The following PROM1 variants were observed in gnomAD, a reference collection of about 807,000 sequenced individuals.
The protein encoded by PROM1 is prominin 1, also known as prominin-1.
Under a neutral mutation model 116.9 loss-of-function variants are expected in PROM1, and 105 were observed. That is an observed-to-expected ratio of 0.90 (90% confidence interval 0.77 to 1.06). The LOEUF is 1.06. Ranked by LOEUF, PROM1 falls within the 50% of genes least tolerant of loss-of-function variation. PROM1 has a pLI of 0.00. For synonymous variants in PROM1, 393 were observed against 387.0 expected, an observed-to-expected ratio of 1.02 and a Z score of -0.18; for missense variants, 1,122 against 1,045.2, an observed-to-expected ratio of 1.07 and a Z score of -1.01.
intron 2 of PROM1, 36 bp from the exon 3 acceptor site, chr4:16,039,037 T>C: frequency 7.0e-7 from 1 of 1,430,408 alleles, no homozygotes; most frequent in Non-Finnish European, 9.2e-7. Flanking sequence ...ATATTATTTT[T>C]TCAGTAAAAT....
intron 19 of PROM1, 121 bp downstream of exon 19, chr4:15,989,611 G>C: frequency 2.4e-6 from 2 of 839,240 alleles, no homozygotes; most frequent in Non-Finnish European, 4.0e-6. Flanking sequence ...TTCTGGGGCT[G>C]AAGCCAGTCA....
intron 19 of PROM1, among the ~76,000 whole-genome samples, chr4:15,989,113 G>C (rs1720267966): frequency 6.6e-6 from 1 of 152,174 alleles, no homozygotes; most frequent in Admixed American, 6.5e-5. Context: ...GAGCAAGGCA[G>C]TTATTGATCC....
chr4:16,070,367 T>G (rs1742532866), intron 2 of PROM1, among the ~76,000 whole-genome samples: 1 of 152,176 alleles, frequency 6.6e-6, no homozygotes, highest in South Asian at 2.1e-4. Context: ...TACTTGTTTT[T>G]TAGTGGAGTT....
At chr4:16,010,871 AAC>A (rs1726723780) in intron 11 of PROM1, among the ~76,000 whole-genome samples, 1 of 152,204 alleles carries the variant, frequency 6.6e-6, no homozygotes, top group Non-Finnish European at 1.5e-5. Context: ...AGAAGCGAGC[AAC>A]AGAGTGTCAG....
intron 2 of PROM1, among the ~76,000 whole-genome samples, chr4:16,046,040 G>A (rs776850438): frequency 6.6e-6 from 1 of 152,216 alleles, no homozygotes; most frequent in Non-Finnish European, 1.5e-5. Flanking sequence ...TCAGGTAACA[G>A]TGTTATCCTG....
intron 23 of PROM1, among the ~76,000 whole-genome samples, chr4:15,983,183 G>A (rs1293554393): frequency 2.0e-5 from 3 of 152,184 alleles, no homozygotes; most frequent in African/African-American, 4.8e-5. Flanking sequence ...GGAAAACGGA[G>A]CTCAGCCTAG....
chr4:15,976,019 C>T (rs1348439026), intron 26 of PROM1, among the ~76,000 whole-genome samples: 2 of 152,194 alleles, frequency 1.3e-5, no homozygotes, highest in East Asian at 1.9e-4. Context: ...TAAGGAAGGA[C>T]GTCCAACATT....
Position 15,994,029 on chromosome 4 carries a change from C to T in PROM1, c.1725G>A (p.Leu575=). The T allele has an allele frequency of 6.2e-7, 1 of 1,613,986 alleles. No homozygotes were observed. Among genetic ancestry groups the T allele is most frequent in the African/African-American group, 1.3e-5 (1 of 75,042 alleles). The change falls in exon 16 of 28, where the codon CTG becomes CTA. Residue 575 remains leucine (L), a synonymous_variant. Coordinates refer to ENST00000447510, the MANE Select transcript of PROM1 (RefSeq NM_006017.3). ...GTTCACTGATATTGAAGCTGTTCTG[C>T]AGGTGAAGAGTGCCGTAAGTGCCTC... ...KNRGTYGTLH[L]QNSFNISEHL...
At chr4:15,998,903 C>T (rs1210344323) in intron 14 of PROM1, among the ~76,000 whole-genome samples, 1 of 151,930 alleles carries the variant, frequency 6.6e-6, no homozygotes, top group Non-Finnish European at 1.5e-5. Flanking sequence ...GTAGAAATGG[C>T]ATTTCTAGTA....
chr4:16,040,359 A>T (rs1437314374), intron 2 of PROM1, among the ~76,000 whole-genome samples: 1 of 152,166 alleles, frequency 6.6e-6, no homozygotes, highest in East Asian at 1.9e-4. Context: ...GACCAGAGGG[A>T]CACTGAGGCT....
At chr4:15,988,031 C>T (rs567178931) in intron 19 of PROM1, among the ~76,000 whole-genome samples, 1 of 152,128 alleles carries the variant, frequency 6.6e-6, no homozygotes, top group East Asian at 1.9e-4. Context: ...CGTCCTCCAC[C>T]ACGCCCGGCT....
At chr4:16,032,827 T>A (rs1268578265) in intron 5 of PROM1, among the ~76,000 whole-genome samples, 2 of 152,202 alleles carry the variant, frequency 1.3e-5, no homozygotes, top group Non-Finnish European at 2.9e-5. Context: ...AAAAATGAGT[T>A]TATTATTAGA....
intron 5 of PROM1, among the ~76,000 whole-genome samples, chr4:16,025,733 A>G (rs1312616852): frequency 6.6e-6 from 1 of 152,146 alleles, no homozygotes; most frequent in African/African-American, 2.4e-5. Flanking sequence ...ACACACACAC[A>G]CACACACTTC....
At chr4:16,010,856 G>T (rs958708703) in intron 11 of PROM1, among the ~76,000 whole-genome samples, 5 of 152,160 alleles carry the variant, frequency 3.3e-5, no homozygotes, top group African/African-American at 7.2e-5. Context: ...AGAAATCAAA[G>T]ACACAGAAGC....
At chr4:15,974,118 TTCTCTCTCTC>T (rs35011290) in intron 26 of PROM1, among the ~76,000 whole-genome samples, 9 of 149,474 alleles carry the variant, frequency 6.0e-5, no homozygotes, top group Admixed American at 2.0e-4. Context: ...CTCTCTCTCT[TTCTCTCTCTC>T]TCTCTCTCTC....
chr4:16,013,934 T>C (rs1727598019), intron 10 of PROM1, among the ~76,000 whole-genome samples: 2 of 107,134 alleles, frequency 1.9e-5, no homozygotes, highest in African/African-American at 8.2e-5. Context: ...AAATTAGAAA[T>C]ATAGTCTAAA....
chr4:15,979,706 A>T (rs374784878), intron 25 of PROM1, among the ~76,000 whole-genome samples, 175 bp downstream of exon 25: 2 of 152,296 alleles, frequency 1.3e-5, no homozygotes, highest in East Asian at 3.9e-4. Flanking sequence ...TTTCTTGAGC[A>T]CCCTCTATGT....
chr4:16,013,371 C>G (rs1242711585), intron 10 of PROM1, 33 bp from the exon 11 acceptor site: 2 of 1,506,014 alleles, frequency 1.3e-6, no homozygotes, highest in African/African-American at 1.4e-5. Context: ...AGGATGTACA[C>G]AGTTAAGTCA....
intron 2 of PROM1, among the ~76,000 whole-genome samples, chr4:16,068,708 T>G (rs569028344): frequency 3.5e-4 from 54 of 152,298 alleles, no homozygotes; most frequent in South Asian, 6.2e-4. Flanking sequence ...TTTGTTATAA[T>G]TTTGTCCTTA....
Sources: allele counts gnomAD v4.1 joint callset (sites outside exome capture counted in the v4.1 genomes callset), GRCh38; gene constraint gnomAD v4.1.1; transcripts MANE v1.5; gene names NCBI Gene and HGNC (gene_info 2026-07-23, HGNC 2026-07-21).